NKAIN3: variants seen among roughly 807,000 people sequenced by gnomAD.
The protein encoded by NKAIN3 is sodium/potassium-transporting ATPase subunit beta-1-interacting protein 3.
NKAIN3 carries 25 observed loss-of-function variants against 30.2 expected under a neutral mutation model. The observed-to-expected ratio is 0.83, with a 90% confidence interval of 0.60 to 1.16. The LOEUF is 1.16. Ranked by LOEUF, NKAIN3 falls within the 50% of genes most tolerant of loss-of-function variation. The pLI is 0.00. For synonymous variants in NKAIN3, 91 were observed against 89.6 expected (o/e 1.02, Z -0.09); for missense variants, 225 against 254.1 (o/e 0.89, Z 0.78).
chr8:62,576,781 A>C (rs79127682), intron 1 of NKAIN3, among the ~76,000 whole-genome samples: 2,117 of 152,208 alleles, frequency 0.014, 43 homozygotes, highest in African/African-American at 0.044. Context: ...CCCCAACACC[A>C]CAGATTAGAG....
chr8:62,459,224 T>A (rs1343436396), intron 1 of NKAIN3, among the ~76,000 whole-genome samples: 1 of 152,144 alleles, frequency 6.6e-6, no homozygotes, highest in Admixed American at 6.5e-5. Context: ...CAGCCTGGCT[T>A]GGCAACTTTG....
chr8:62,274,865 G>C (rs866436446), intron 1 of NKAIN3, among the ~76,000 whole-genome samples: 2 of 151,484 alleles, frequency 1.3e-5, no homozygotes, highest in Admixed American at 6.6e-5. Context: ...TTGTCCTTGC[G>C]ATAGTTTGCT....
intron 4 of NKAIN3, among the ~76,000 whole-genome samples, chr8:62,798,671 T>A (rs1439257807): frequency 6.6e-6 from 1 of 152,208 alleles, no homozygotes; most frequent in Non-Finnish European, 1.5e-5. Context: ...TTTTCACCCA[T>A]GACCCTTTTC....
chr8:62,859,521 A>AT (rs67943979), intron 4 of NKAIN3, among the ~76,000 whole-genome samples: 1 of 150,348 alleles, frequency 6.7e-6, no homozygotes, highest in African/African-American at 2.4e-5. Flanking sequence ...AAAAAAAAAA[A>AT]CTTCATGGAA....
At position 62,966,769 on chromosome 8, in the gene NKAIN3, A is replaced by G. The variant is rs1035220531; in HGVS notation, c.*1362A>G. 1.3e-5 allele frequency among the ~76,000 whole-genome samples: 2 copies of G among 152,204 alleles called. No homozygotes were observed. The highest frequency in any genetic ancestry group is 4.8e-5 in the African/African-American group (2 of 41,466). ...TGTAACGACCACAGTGAAGCTCCCTATAGGCCAGAAAGTTGTGAATATGTG... is the reference window on the plus strand; with the variant it reads ...TGTAACGACCACAGTGAAGCTCCCTGTAGGCCAGAAAGTTGTGAATATGTG... On this transcript the variant is annotated 3_prime_UTR_variant, in exon 7 of 7. Coordinates refer to ENST00000623646, the MANE Select transcript of NKAIN3 (RefSeq NM_001304533.3).
intron 4 of NKAIN3, among the ~76,000 whole-genome samples, chr8:62,751,814 CTGTG>C (rs3032932): frequency 4.8e-4 from 70 of 146,668 alleles, no homozygotes; most frequent in African/African-American, 1.3e-3. Context: ...TACTAAAAAA[CTGTG>C]TGTGTGTGTG....
intron 4 of NKAIN3, among the ~76,000 whole-genome samples, chr8:62,859,172 A>G (rs1820161015): frequency 6.6e-6 from 1 of 152,000 alleles, no homozygotes; most frequent in Non-Finnish European, 1.5e-5. Context: ...CTTTAACTGG[A>G]TATGGGGGTT....
intron 3 of NKAIN3, among the ~76,000 whole-genome samples, chr8:62,620,104 G>A (rs62509504): frequency 0.2 from 30,701 of 151,978 alleles, 3,247 homozygotes; most frequent in East Asian, 0.34. Flanking sequence ...TTTATGATAC[G>A]TTTGTTGAAG....
chr8:62,802,762 C>T (rs893219892), intron 4 of NKAIN3, among the ~76,000 whole-genome samples: 6 of 152,054 alleles, frequency 3.9e-5, no homozygotes, highest in Non-Finnish European at 8.8e-5. Flanking sequence ...TCACACATAA[C>T]AATATTAACT....
At position 62,974,993 on chromosome 8, in the gene NKAIN3, G is replaced by A. The variant is rs973133451; in HGVS notation, c.*9586G>A. Among the ~76,000 whole-genome samples, 3 of 152,186 alleles carry A rather than the reference G, an allele frequency of 2.0e-5. No individual in the cohort carries two copies. Among genetic ancestry groups the A allele is most frequent in the African/African-American group, 7.2e-5 (3 of 41,450 alleles). On this transcript the variant is annotated 3_prime_UTR_variant, in exon 7 of 7. Coordinates refer to ENST00000623646, the MANE Select transcript of NKAIN3 (RefSeq NM_001304533.3). Reference sequence around the variant, plus strand: ...CATTTGCATATGTTGAAACAGCCTTGCATCCCAGGGATGAAGCTGACTTGA... The same window carrying A: ...CATTTGCATATGTTGAAACAGCCTTACATCCCAGGGATGAAGCTGACTTGA...
chr8:62,529,921 A>G (rs1808433824), intron 1 of NKAIN3, among the ~76,000 whole-genome samples: 1 of 152,160 alleles, frequency 6.6e-6, no homozygotes, highest in East Asian at 1.9e-4. Flanking sequence ...TAGCAGTACT[A>G]GAGGCTTCCC....
At position 62,949,537 on chromosome 8, in the gene NKAIN3, C is replaced by T. The variant is rs117139853; in HGVS notation, c.533-4365C>T. The stretch of plus-strand genomic sequence containing the variant: ...ATATTATTTCTTCCAAGAAGTTGCT[C>T]GGCTGTGCTCCTGGAAGTTGGCACA... On this transcript the variant is annotated intron_variant, in intron 5 of 6. Coordinates refer to ENST00000623646, the MANE Select transcript of NKAIN3 (RefSeq NM_001304533.3). Among the ~76,000 whole-genome samples, 31 of 152,206 alleles carry T rather than the reference C, an allele frequency of 2.0e-4. No individual in the cohort carries two copies. The East Asian group carries it at 5.4e-3, about 27-fold the overall frequency.
At chr8:62,387,521 G>A (rs1817465960) in intron 1 of NKAIN3, among the ~76,000 whole-genome samples, 1 of 152,150 alleles carries the variant, frequency 6.6e-6, no homozygotes, top group African/African-American at 2.4e-5. Flanking sequence ...CATTCAGAAA[G>A]GACCCATTAT....
At chr8:62,574,213 G>C (rs1300973883) in intron 1 of NKAIN3, among the ~76,000 whole-genome samples, 2 of 152,078 alleles carry the variant, frequency 1.3e-5, no homozygotes, top group African/African-American at 4.8e-5. Flanking sequence ...GGATACAAAT[G>C]ACAGGATCTT....
intron 1 of NKAIN3, among the ~76,000 whole-genome samples, chr8:62,391,273 G>A (rs1034706918): frequency 9.2e-5 from 14 of 152,092 alleles, no homozygotes; most frequent in African/African-American, 3.1e-4. Context: ...TTTCTGAATT[G>A]TTTTGTATAG....
chr8:62,901,244 G>A (rs576293290), intron 4 of NKAIN3, among the ~76,000 whole-genome samples: 16 of 152,186 alleles, frequency 1.1e-4, no homozygotes, highest in Non-Finnish European at 2.2e-4. Context: ...CAGCAATGAC[G>A]GAGGATGAGC....
At chr8:62,330,088 G>A (rs1815288802) in intron 1 of NKAIN3, among the ~76,000 whole-genome samples, 1 of 152,026 alleles carries the variant, frequency 6.6e-6, no homozygotes. Flanking sequence ...TGAGGACGAG[G>A]AAGTAGCAAG....
chr8:62,654,516 G>GA lies in NKAIN3; in HGVS notation c.273+64730dup, dbSNP rs1270635633. On this transcript the variant is annotated intron_variant, in intron 3 of 6. Transcript: ENST00000623646. ...CAAGAAGATGATACAAGCTTCTAAA[G>GA]AAAAAAAATCCACTGGTCAACTACA... is the stretch of plus-strand genomic sequence containing the variant. Among the ~76,000 whole-genome samples, 5 of 151,788 alleles carry GA rather than the reference G, an allele frequency of 3.3e-5. No individual in the cohort carries two copies. In the East Asian group the frequency reaches 5.8e-4, roughly 18 times the overall value.
intron 1 of NKAIN3, among the ~76,000 whole-genome samples, chr8:62,396,190 C>T (rs917768888): frequency 1.3e-5 from 2 of 152,108 alleles, no homozygotes; most frequent in Non-Finnish European, 2.9e-5. Context: ...TTTCTTAGAG[C>T]TGCTTTATTT....
Sources: gnomAD v4.1 joint callset for allele counts (sites outside exome capture counted in the v4.1 genomes callset) on GRCh38, gnomAD v4.1.1 for gene constraint, MANE v1.5 for transcripts, NCBI Gene and HGNC (gene_info 2026-07-23, HGNC 2026-07-21) for gene names.